The following RP1L1 variants were observed in gnomAD, a reference collection of about 807,000 sequenced individuals.
The protein encoded by RP1L1 is retinitis pigmentosa 1-like 1 protein.
RP1L1 carries 27 observed loss-of-function variants against 15.7 expected under a neutral mutation model. That is an observed-to-expected ratio of 1.72 (90% CI 1.27 to 2.38). RP1L1 has a LOEUF of 2.38. Among genes scored for constraint, RP1L1 ranks in the 30% most tolerant of loss-of-function variants. RP1L1 has a pLI of 0.00. For synonymous variants in RP1L1, 1,813 were observed against 1,276.7 expected (o/e 1.42, Z -8.96); for missense variants, 4,798 against 3,075.9 (o/e 1.56, Z -13.24).
In RP1L1 at chr8:10,610,873, A is replaced by C; in HGVS notation, c.3225T>G (p.Leu1075=). Residue 1075 remains leucine, a synonymous_variant, in exon 4 of 4, where the codon CTT becomes CTG. Transcript: ENST00000382483. ...GCGTGGAGGCAGACACCCGGCCAGG[A>C]AGTGCCCGCAGGCTCACCCTGCAGC... ...PAGCRVSLRA[L]PGRVSASTQI... The C allele has an allele frequency of 2.5e-6, 4 of 1,608,788 alleles. No individual in the cohort carries two copies. Among genetic ancestry groups the C allele is most frequent in the Non-Finnish European group, 3.4e-6 (4 of 1,177,388 alleles).
chr8:10,622,619 G>A lies in RP1L1; in HGVS notation c.583C>T (p.Gln195Ter). 1 of 1,614,246 alleles carries A rather than the reference G, an allele frequency of 6.2e-7. No individual in the cohort carries two copies. Among genetic ancestry groups the A allele is most frequent in the Non-Finnish European group, 8.5e-7 (1 of 1,180,048 alleles). The change falls in exon 2 of 4, where the codon CAG becomes TAG. Residue 195 changes from glutamine (Q) to a stop codon, truncating the protein, a stop_gained. Coordinates refer to ENST00000382483, the MANE Select transcript of RP1L1 (RefSeq NM_178857.6). LOFTEE classifies it high-confidence loss of function. ...TTTTTCCCGCTGGTCGTGTACAACTGCTTCACAGGAAAGCGCAGGAGATCT... is the reference window on the plus strand; with the variant it reads ...TTTTTCCCGCTGGTCGTGTACAACTACTTCACAGGAAAGCGCAGGAGATCT... ...ASDLLRFPVK[Q>*]LYTTSGKKVD...
chr8:10,628,296 T>A (rs1485834392), intron 1 of RP1L1, among the ~76,000 whole-genome samples: 1 of 152,130 alleles, frequency 6.6e-6, no homozygotes, highest in Non-Finnish European at 1.5e-5. Context: ...TCTTGAGAAA[T>A]TACCAAAGGC....
intron 1 of RP1L1, among the ~76,000 whole-genome samples, chr8:10,650,423 C>A (rs1251820593): frequency 6.6e-6 from 1 of 152,168 alleles, no homozygotes; most frequent in Non-Finnish European, 1.5e-5. Context: ...GTGTTAAATG[C>A]AAACTTGCGT....
At chr8:10,621,903 G>C in intron 2 of RP1L1, 1 of 404,948 alleles carries the variant, frequency 2.5e-6, no homozygotes, top group Non-Finnish European at 5.0e-6. Context: ...TCACTCTCTG[G>C]CTTCCCAAAC....
intron 1 of RP1L1, among the ~76,000 whole-genome samples, chr8:10,628,846 C>G (rs185899819): frequency 1.3e-5 from 2 of 152,176 alleles, no homozygotes; most frequent in African/African-American, 4.8e-5. Context: ...AGAGTATCTT[C>G]CTGTCCATCC....
intron 1 of RP1L1, among the ~76,000 whole-genome samples, chr8:10,632,993 C>A (rs1798274873): frequency 6.6e-6 from 1 of 152,164 alleles, no homozygotes; most frequent in African/African-American, 2.4e-5. Flanking sequence ...AGAGGAGCAC[C>A]AGTGCCTTGG....
chr8:10,608,888 C>T lies in RP1L1; in HGVS notation c.5210G>A (p.Gly1737Glu), dbSNP rs755463458. The change falls in exon 4 of 4, where the codon GGG becomes GAG. Residue 1737 changes from glycine to glutamate, a missense_variant. Transcript: ENST00000382483. Reference sequence around the variant, plus strand: ...ATCCTCACCCTCGTCCACTCCAGGCCCCTGGCTCAGCCCCGGCCCCAGCCC... The same window carrying T: ...ATCCTCACCCTCGTCCACTCCAGGCTCCTGGCTCAGCCCCGGCCCCAGCCC... Reference protein sequence around the residue: ...EGGLGPGLSQGPGVDEGEDGE... With the variant: ...EGGLGPGLSQEPGVDEGEDGE... 6.2e-6 allele frequency: 10 copies of T among 1,613,858 alleles called. No homozygotes were observed. The Admixed American group carries it at 6.7e-5, about 11-fold the overall frequency.
In RP1L1 at chr8:10,609,845, C is replaced by G. The variant is rs546788477; in HGVS notation, c.4253G>C (p.Gly1418Ala). 6.2e-7 allele frequency: 1 copy of G among 1,614,124 alleles called. No homozygotes were observed. Among genetic ancestry groups the G allele is most frequent in the South Asian group, 1.1e-5 (1 of 91,078 alleles). Residue 1418 changes from glycine to alanine, a missense_variant, in exon 4 of 4, where the codon GGG (glycine) becomes GCG (alanine). Physicochemically the swap from Gly to Ala is moderately conservative, Grantham distance 60 (BLOSUM62 0). Coordinates refer to ENST00000382483, the MANE Select transcript of RP1L1 (RefSeq NM_178857.6). Reference sequence around the variant, plus strand: ...TGGGTCATCTTCCTGGGAGCCTTTCCCATCCGGAGAGCTGGCCTCTGACAA... The same window carrying G: ...TGGGTCATCTTCCTGGGAGCCTTTCGCATCCGGAGAGCTGGCCTCTGACAA... ...QELSEASSPD[G>A]KGSQEDDPVQ...
chr8:10,646,875 T>A (rs73541405), intron 1 of RP1L1, among the ~76,000 whole-genome samples: 1 of 152,206 alleles, frequency 6.6e-6, no homozygotes, highest in Non-Finnish European at 1.5e-5. Context: ...AAAGGCCTAT[T>A]GTGTGTCCCC....
intron 1 of RP1L1, among the ~76,000 whole-genome samples, chr8:10,633,863 A>T (rs1798289657): frequency 6.6e-6 from 1 of 152,198 alleles, no homozygotes; most frequent in Non-Finnish European, 1.5e-5. Context: ...TGCATGAATT[A>T]TATCCCTTTT....
Position 10,611,027 on chromosome 8 carries a change from G to A in RP1L1, c.3071C>T (p.Pro1024Leu), listed in dbSNP as rs780570154. The change falls in exon 4 of 4, where the codon CCA becomes CTA. Residue 1024 changes from proline (P) to leucine (L), a missense_variant. By Grantham distance (98) the Pro-to-Leu change is moderately conservative. Coordinates refer to ENST00000382483, the MANE Select transcript of RP1L1 (RefSeq NM_178857.6). ...ACTACTCCCCAGGAGGGCTCCCTCT[G>A]GCTCTGGGTCCTGGCCGGGGTCCCC... Reference protein sequence around the residue: ...LEGDPGQDPEPEGALLGSSDT... With the variant: ...LEGDPGQDPELEGALLGSSDT... The A allele has an allele frequency of 6.2e-7, 1 of 1,612,670 alleles. No individual in the cohort carries two copies. Among genetic ancestry groups the A allele is most frequent in the Non-Finnish European group, 8.5e-7 (1 of 1,180,010 alleles).
intron 1 of RP1L1, among the ~76,000 whole-genome samples, chr8:10,627,723 A>T (rs1178413497): frequency 1.3e-5 from 2 of 152,176 alleles, no homozygotes; most frequent in Non-Finnish European, 2.9e-5. Flanking sequence ...ACCCCTTAAG[A>T]GGAGGACATC....
intron 1 of RP1L1, among the ~76,000 whole-genome samples, chr8:10,626,323 G>C (rs1798157100): frequency 1.3e-5 from 2 of 152,312 alleles, no homozygotes; most frequent in South Asian, 4.1e-4. Context: ...AGCAGGGAGA[G>C]GGACAGGGCT....
chr8:10,624,308 T>C (rs1255770706), intron 1 of RP1L1, among the ~76,000 whole-genome samples: 4 of 152,182 alleles, frequency 2.6e-5, no homozygotes, highest in Non-Finnish European at 2.9e-5. Flanking sequence ...AAACTTCACA[T>C]TCCAATGTGA....
chr8:10,608,553 C>G lies in RP1L1; in HGVS notation c.5545G>C (p.Glu1849Gln). 1.2e-6 allele frequency: 2 copies of G among 1,610,750 alleles called. No homozygotes were observed. The highest frequency in any genetic ancestry group is 1.7e-4 in the Middle Eastern group (1 of 6,056). ...EAEGEAQPES[E>Q]GVEAPEAEGD... ...TCTGCCTCTGGGGCCTCTACACCTTCTGACTCTGGCTGGGCCTCCCCTTCA... is the reference window on the plus strand; with the variant it reads ...TCTGCCTCTGGGGCCTCTACACCTTGTGACTCTGGCTGGGCCTCCCCTTCA... The change falls in exon 4 of 4, where the codon GAA (glutamate) becomes CAA (glutamine). Residue 1849 changes from glutamate (E) to glutamine (Q), a missense_variant. By Grantham distance (29) the Glu-to-Gln change is conservative (BLOSUM62 2). Transcript: ENST00000382483.
chr8:10,622,915 A>T lies in RP1L1; in HGVS notation c.287T>A (p.Leu96Gln), dbSNP rs558017898. 1 of 1,613,902 alleles carries T rather than the reference A, an allele frequency of 6.2e-7. No individual in the cohort carries two copies. Among genetic ancestry groups the T allele is most frequent in the African/African-American group, 1.3e-5 (1 of 75,004 alleles). Reference protein sequence around the residue: ...GLHSLSALEQLEDGGCYLCSD... With the variant: ...GLHSLSALEQQEDGGCYLCSD... ...GCAGAGGTAGCAGCCTCCATCTTCC[A>T]GCTGCTCCAGGGCGCTGAGGCTATG... Residue 96 changes from leucine to glutamine, a missense_variant, in exon 2 of 4, where the codon CTG becomes CAG. Transcript: ENST00000382483.
intron 1 of RP1L1, among the ~76,000 whole-genome samples, chr8:10,625,298 A>G (rs976974866): frequency 1.3e-5 from 2 of 152,192 alleles, no homozygotes; most frequent in Non-Finnish European, 2.9e-5. Flanking sequence ...GGCCACCTAC[A>G]GGGTCACAGA....
chr8:10,619,333 A>T (rs1175642979), intron 2 of RP1L1, among the ~76,000 whole-genome samples: 2 of 152,246 alleles, frequency 1.3e-5, no homozygotes, highest in Admixed American at 1.3e-4. Context: ...CTCTTGCCAC[A>T]AGCAAAAGGA....
chr8:10,615,891 C>T (rs141102151), intron 3 of RP1L1, among the ~76,000 whole-genome samples: 1 of 152,200 alleles, frequency 6.6e-6, no homozygotes, highest in African/African-American at 2.4e-5. Context: ...TTCAAGATCT[C>T]TTAATCCCTG....
Sources: gnomAD v4.1 joint callset for allele counts (sites outside exome capture counted in the v4.1 genomes callset) on GRCh38, gnomAD v4.1.1 for gene constraint, MANE v1.5 for transcripts, NCBI Gene and HGNC (gene_info 2026-07-23, HGNC 2026-07-21) for gene names.